Variants in ADAMTS15 observed in about 807,000 individuals in gnomAD.
ADAMTS15 encodes the protein A disintegrin and metalloproteinase with thrombospondin motifs 15.
In ADAMTS15, 35 loss-of-function variants were observed where a neutral mutation model predicts 79.1. The observed-to-expected ratio is 0.44, with a 90% CI of 0.34 to 0.59. The LOEUF (loss-of-function observed/expected upper bound fraction) is 0.59. ADAMTS15 is among the 20% of genes least tolerant of loss of function. The pLI is 0.02. For synonymous variants in ADAMTS15, 616 were observed against 567.3 expected, an observed-to-expected ratio of 1.09 and a Z score of -1.22; for missense variants, 1,324 against 1,318.7, an observed-to-expected ratio of 1.00 and a Z score of -0.06.
Position 130,462,417 on chromosome 11 carries a change from TC to T in ADAMTS15, c.1259-76del. 1.3e-6 allele frequency: 2 copies of T among 1,522,520 alleles called. No homozygotes were observed. Among genetic ancestry groups the T allele is most frequent in the Non-Finnish European group, 8.8e-7 (1 of 1,130,448 alleles). 94.3% of individuals were successfully genotyped at this position (1,522,520 alleles called of 1,614,324 possible). On this transcript the variant is annotated intron_variant, in intron 3 of 7. Coordinates refer to ENST00000299164, the MANE Select transcript of ADAMTS15 (RefSeq NM_139055.4). The surrounding 1 kb of genome is among the most constrained non-coding windows in gnomAD (Gnocchi z 4.3). The stretch of plus-strand genomic sequence containing the variant: ...CATTCCTGTTGCCCTTGGTTCATTA[TC>T]CCCTTACCATTCAGATTCTGGGCTA...
At position 130,470,173 on chromosome 11, in the gene ADAMTS15, T is replaced by C. The variant is rs1320776987; in HGVS notation, c.1720+734T>C. Among the ~76,000 whole-genome samples the C allele has an allele frequency of 6.0e-3, 361 of 59,786 alleles. 23 individuals carry two copies. The highest frequency in any genetic ancestry group is 0.031 in the African/African-American group (316 of 10,044). The allele number at this position is 59,786 out of a possible 152,430, so 39.2% of individuals were successfully genotyped here. A position where few individuals can be genotyped will look rare whatever the true frequency, so the allele number is the denominator to read the frequency against. ...ATATGTGTATATATATATATATATA[T>C]ATATATATGTGTGTATATATATATA... On this transcript the variant is annotated intron_variant, in intron 5 of 7. Transcript: ENST00000299164.
In ADAMTS15 at chr11:130,450,498, T is replaced by C. The variant is rs1251086095; in HGVS notation, c.957+568T>C. On this transcript the variant is annotated intron_variant, in intron 1 of 7. Coordinates refer to ENST00000299164, the MANE Select transcript of ADAMTS15 (RefSeq NM_139055.4). ...GGAATCATTGAGAGATTTTGTGGGT[T>C]GCAGTGACAGGCCAGACTCAAGTAC... 3 of 952,820 alleles carry C rather than the reference T, an allele frequency of 3.1e-6. No individual in the cohort carries two copies. The African/African-American group carries it at 5.3e-5, about 17-fold the overall frequency. 59.0% of individuals were successfully genotyped at this position (952,820 alleles called of 1,614,324 possible).
rs75243648 is a variant in ADAMTS15 at position 130,472,250 on chromosome 11, C to T, written c.2079-797C>T. ...GCTGTCCTGGAGCCTTGACTGTGCC[C>T]CTGGACACGTCGCCCTCTCCTGAGC... On this transcript the variant is annotated intron_variant, in intron 7 of 7. Transcript: ENST00000299164. The surrounding 1 kb of genome is among the most constrained non-coding windows in gnomAD (Gnocchi z 4.7). Among the ~76,000 whole-genome samples, 925 of 152,288 alleles carry T rather than the reference C, an allele frequency of 6.1e-3. 12 individuals carry two copies. The highest frequency in any genetic ancestry group is 0.02 in the African/African-American group (851 of 41,546).
At chr11:130,470,201 T>TACAC (rs1938420132) in intron 5 of ADAMTS15, among the ~76,000 whole-genome samples, 2 of 60,522 alleles carry the variant, frequency 3.3e-5, no homozygotes, top group African/African-American at 1.5e-4. Context: ...TATATATATA[T>TACAC]ATATATATGT....
Position 130,448,900 on chromosome 11 carries a change from AC to A in ADAMTS15, c.-73del. 8.1e-7 allele frequency: 1 copy of A among 1,232,836 alleles called. No homozygotes were observed. Among genetic ancestry groups the A allele is most frequent in the Non-Finnish European group, 1.1e-6 (1 of 930,094 alleles). The allele number at this position is 1,232,836 out of a possible 1,614,324, so 76.4% of individuals were successfully genotyped here. A position where few individuals can be genotyped will look rare whatever the true frequency, so the allele number is the denominator to read the frequency against. The stretch of plus-strand genomic sequence containing the variant: ...TTGGCGGTTCCAGAGTGCGGGCTGC[AC>A]GGAGACCGCGGCAGCGGCCGGAGAG... On this transcript the variant is annotated 5_prime_UTR_variant, in exon 1 of 8. Transcript: ENST00000299164.
At position 130,449,843 on chromosome 11, in the gene ADAMTS15, C is replaced by T. The variant is rs1355710761; in HGVS notation, c.870C>T (p.Arg290=). 4 of 1,608,032 alleles carry T rather than the reference C, an allele frequency of 2.5e-6. No homozygotes were observed. The East Asian group carries it at 6.7e-5, about 27-fold the overall frequency. The change falls in exon 1 of 8, where the codon CGC becomes CGT. Residue 290 remains arginine (R), a synonymous_variant. Coordinates refer to ENST00000299164, the MANE Select transcript of ADAMTS15 (RefSeq NM_139055.4). The surrounding 1 kb of genome is among the most constrained non-coding windows in gnomAD (Gnocchi z 7.8). ...CCGGCAATGCGGCCCTGACGCTGCG[C>T]AACTTCTGTGCCTGGCAGAAGAAGC... The part of the protein sequence containing the change: ...KVTGNAALTL[R]NFCAWQKKLN...
chr11:130,470,170 A>ATGTATATATG lies in ADAMTS15; in HGVS notation c.1720+732_1720+733insGTATATATGT, dbSNP rs1344210683. On this transcript the variant is annotated intron_variant, in intron 5 of 7. Coordinates refer to ENST00000299164, the MANE Select transcript of ADAMTS15 (RefSeq NM_139055.4). ...TATATATGTGTATATATATATATAT[A>ATGTATATATG]TATATATATATGTGTGTATATATAT... Among the ~76,000 whole-genome samples, 13 of 58,162 alleles carry ATGTATATATG rather than the reference A, an allele frequency of 2.2e-4. 1 individual carries two copies. Among genetic ancestry groups the ATGTATATATG allele is most frequent in the Admixed American group, 6.2e-4 (4 of 6,462 alleles). The allele number at this position is 58,162 out of a possible 152,430, so 38.2% of individuals were successfully genotyped here. A position where few individuals can be genotyped will look rare whatever the true frequency, so the allele number is the denominator to read the frequency against.
Position 130,473,557 on chromosome 11 carries a change from G to A in ADAMTS15, c.2589G>A (p.Ala863=), listed in dbSNP as rs774711913. 17 of 1,603,238 alleles carry A rather than the reference G, an allele frequency of 1.1e-5. No individual in the cohort carries two copies. The Admixed American group carries it at 1.7e-4, about 16-fold the overall frequency. ...ASCGSGLQKR[A]VDCRGSAGQR... ...GCGGCAGTGGCCTGCAGAAGCGGGCGGTGGACTGCCGGGGCTCCGCCGGGC... is the reference window on the plus strand; with the variant it reads ...GCGGCAGTGGCCTGCAGAAGCGGGCAGTGGACTGCCGGGGCTCCGCCGGGC... Residue 863 remains alanine (A), a synonymous_variant, in exon 8 of 8, where the codon GCG becomes GCA. Coordinates refer to ENST00000299164, the MANE Select transcript of ADAMTS15 (RefSeq NM_139055.4).
At position 130,469,374 on chromosome 11, in the gene ADAMTS15, G is replaced by A. The variant is rs1477589787; in HGVS notation, c.1655G>A (p.Gly552Asp). 7.3e-7 allele frequency: 1 copy of A among 1,362,802 alleles called. No individual in the cohort carries two copies. 84.4% of individuals were successfully genotyped at this position (1,362,802 alleles called of 1,614,324 possible). The change falls in exon 5 of 8, where the codon GGC (glycine) becomes GAC (aspartate). Residue 552 changes from glycine (G) to aspartate (D), a missense_variant. Physicochemically the swap from Gly to Asp is moderately conservative, Grantham distance 94. Transcript: ENST00000299164. ...ACCAACCCCACCCCTGCCAACGGGG[G>A]CAAGTACTGCGAGGGAGTGAGGGTG... ...QCTNPTPANG[G>D]KYCEGVRVKY...
At position 130,476,600 on chromosome 11, in the gene ADAMTS15, G is replaced by T. The variant is rs989241023; in HGVS notation, c.*2779G>T. 6.6e-5 allele frequency: 10 copies of T among 152,250 alleles called. No homozygotes were observed. Among genetic ancestry groups the T allele is most frequent in the African/African-American group, 2.4e-4 (10 of 41,428 alleles). The allele number at this position is 152,250 out of a possible 1,614,324, so 9.4% of individuals were successfully genotyped here. On this transcript the variant is annotated 3_prime_UTR_variant, in exon 8 of 8. Transcript: ENST00000299164. ...GTATACAAGGGAGCTGGCTGCTGAG[G>T]TGACCACAGCCTTCTCCTAATAAAG...
intron 1 of ADAMTS15, among the ~76,000 whole-genome samples, chr11:130,454,132 G>GT (rs924311357): frequency 1.3e-5 from 2 of 152,048 alleles, no homozygotes; most frequent in Non-Finnish European, 2.9e-5. Context: ...TTGTTTGTTT[G>GT]TTTTTTTCCT....
In ADAMTS15 at chr11:130,461,574, T is replaced by C; in HGVS notation, c.1043T>C (p.Ile348Thr). 1.2e-6 allele frequency: 2 copies of C among 1,614,158 alleles called. No individual in the cohort carries two copies. Among genetic ancestry groups the C allele is most frequent in the Non-Finnish European group, 1.7e-6 (2 of 1,180,028 alleles). The change falls in exon 2 of 8, where the codon ATT (isoleucine) becomes ACT (threonine). Residue 348 changes from isoleucine to threonine, a missense_variant. By Grantham distance (89) the Ile-to-Thr change is moderately conservative. Coordinates refer to ENST00000299164, the MANE Select transcript of ADAMTS15 (RefSeq NM_139055.4). ...GACCCCAAGAGAAGCTGCTCTGTCA[T>C]TGAGGACGATGGGCTTCCATCAGCC... ...MCDPKRSCSV[I>T]EDDGLPSAFT...
chr11:130,449,224 T>C lies in ADAMTS15; in HGVS notation c.251T>C (p.Leu84Pro), dbSNP rs1364496175. 1 of 1,614,034 alleles carries C rather than the reference T, an allele frequency of 6.2e-7. No homozygotes were observed. Among genetic ancestry groups the C allele is most frequent in the Non-Finnish European group, 8.5e-7 (1 of 1,180,016 alleles). Residue 84 changes from leucine to proline, a missense_variant, in exon 1 of 8, where the codon CTG (leucine) becomes CCG (proline). By Grantham distance (98) the Leu-to-Pro change is moderately conservative (BLOSUM62 -3). Coordinates refer to ENST00000299164, the MANE Select transcript of ADAMTS15 (RefSeq NM_139055.4). This position sits in a 1 kb window ranked among gnomAD's most constrained non-coding sequence, Gnocchi z 7.8. Reference protein sequence around the residue: ...FLAPAFSTEHLGVPLQGLTGG... With the variant: ...FLAPAFSTEHPGVPLQGLTGG... ...GCTCCCGCCTTCTCCACTGAGCATC[T>C]GGGCGTCCCCCTCCAGGGGCTCACC...
intron 4 of ADAMTS15, among the ~76,000 whole-genome samples, chr11:130,463,462 G>A (rs544495828): frequency 6.6e-6 from 1 of 152,138 alleles, no homozygotes; most frequent in Admixed American, 6.5e-5. Flanking sequence ...GGTTTTGGGG[G>A]TAGGAGAGGG....
chr11:130,450,306 C>G, intron 1 of ADAMTS15: 3 of 985,434 alleles, frequency 3.0e-6, no homozygotes, highest in Non-Finnish European at 3.6e-6. Flanking sequence ...CGGGAACGGC[C>G]CACCCCTATT....
chr11:130,470,539 A>G (rs987569555), intron 5 of ADAMTS15, among the ~76,000 whole-genome samples: 2 of 152,148 alleles, frequency 1.3e-5, no homozygotes, highest in Admixed American at 6.5e-5. Flanking sequence ...TAATGCATTA[A>G]CAAAAAAGCA....
Position 130,461,564 on chromosome 11 carries a change from T to A in ADAMTS15, c.1033T>A (p.Cys345Ser). 1.9e-6 allele frequency: 3 copies of A among 1,614,180 alleles called. No individual in the cohort carries two copies. Among genetic ancestry groups the A allele is most frequent in the Non-Finnish European group, 2.5e-6 (3 of 1,180,030 alleles). Residue 345 changes from cysteine (C) to serine (S), a missense_variant, in exon 2 of 8, where the codon TGC becomes AGC. Physicochemically the swap from Cys to Ser is moderately radical, Grantham distance 112. Coordinates refer to ENST00000299164, the MANE Select transcript of ADAMTS15 (RefSeq NM_139055.4). ...VGTMCDPKRSCSVIEDDGLPS... is the reference protein window; with the variant it reads ...VGTMCDPKRSSSVIEDDGLPS... ...TACCATGTGTGACCCCAAGAGAAGC[T>A]GCTCTGTCATTGAGGACGATGGGCT... is the stretch of plus-strand genomic sequence containing the variant.
At chr11:130,468,545 C>G (rs568081130) in intron 4 of ADAMTS15, among the ~76,000 whole-genome samples, 1 of 151,734 alleles carries the variant, frequency 6.6e-6, no homozygotes, top group East Asian at 1.9e-4. Flanking sequence ...GCGGGCGGAT[C>G]ACGAGGTCAG....
At chr11:130,465,176 G>A (rs1480284458) in intron 4 of ADAMTS15, among the ~76,000 whole-genome samples, 1 of 151,904 alleles carries the variant, frequency 6.6e-6, no homozygotes, top group Non-Finnish European at 1.5e-5. Context: ...TTTCACTGAT[G>A]ACCTTTCTTC....
Sources: allele counts gnomAD v4.1 joint callset (sites outside exome capture counted in the v4.1 genomes callset), GRCh38; gene constraint gnomAD v4.1.1; non-coding constraint Gnocchi (gnomAD v3.1); transcripts MANE v1.5; gene names NCBI Gene and HGNC (gene_info 2026-07-23, HGNC 2026-07-21).